RGS8: variants seen among roughly 807,000 people sequenced by gnomAD.
The protein encoded by RGS8 is regulator of G protein signaling 8.
Under a neutral mutation model 21.7 loss-of-function variants are expected in RGS8, and 8 were observed. That is an observed-to-expected ratio of 0.37 (90% CI 0.22 to 0.66). The LOEUF is 0.66. Ranked by LOEUF, RGS8 falls within the 30% of genes least tolerant of loss-of-function variation. RGS8 has a pLI of 0.59. For synonymous variants in RGS8, 80 were observed against 83.6 expected, an observed-to-expected ratio of 0.96 and a Z score of 0.24; for missense variants, 157 against 217.9, an observed-to-expected ratio of 0.72 and a Z score of 1.76.
chr1:182,747,043 C>CCTTTTTTTTTTTTTTTTTTTTTTTTTTT, the RGS8 span, among the ~76,000 whole-genome samples: 1 of 21,028 alleles, frequency 4.8e-5, no homozygotes, highest in Non-Finnish European at 9.4e-5. Context: ...CACTGCTGGT[C>CCTTTTTTTTTTTTTTTTTTTTTTTTTTT]TTTTTTTTTT....
downstream of RGS8, chr1:182,645,347 A>C (rs918793963): frequency 6.6e-6 from 1 of 152,214 alleles, no homozygotes; most frequent in Non-Finnish European, 1.5e-5. Flanking sequence ...CCAGCCTCTT[A>C]CATGCCCCTC....
the RGS8 span, among the ~76,000 whole-genome samples, chr1:182,739,697 C>T: frequency 6.6e-6 from 1 of 152,112 alleles, no homozygotes; most frequent in African/African-American, 2.4e-5. Context: ...TGTTTCCATT[C>T]CTCTTGGCCT....
At chr1:182,728,682 C>A in the RGS8 span, among the ~76,000 whole-genome samples, 2 of 152,086 alleles carry the variant, frequency 1.3e-5, no homozygotes, top group East Asian at 3.8e-4. Context: ...AACAGAAGAA[C>A]TAACAATAAT....
intron 5 of RGS8, among the ~76,000 whole-genome samples, chr1:182,650,489 G>T (rs1225975123): frequency 6.6e-6 from 1 of 152,180 alleles, no homozygotes; most frequent in African/African-American, 2.4e-5. Context: ...TAAGAGAAAG[G>T]TTTCCGGGTG....
chr1:182,664,103 A>T (rs541176089), intron 5 of RGS8, among the ~76,000 whole-genome samples: 1 of 152,314 alleles, frequency 6.6e-6, no homozygotes, highest in East Asian at 1.9e-4. Flanking sequence ...AATAAAATTA[A>T]ACCTCTTACA....
intron 5 of RGS8, among the ~76,000 whole-genome samples, chr1:182,657,118 T>C (rs1375808830): frequency 6.7e-6 from 1 of 149,580 alleles, no homozygotes; most frequent in Non-Finnish European, 1.5e-5. Context: ...CTTTCCTGCT[T>C]ATGTGACCAA....
the RGS8 span, among the ~76,000 whole-genome samples, chr1:182,750,856 T>C: frequency 6.6e-6 from 1 of 151,428 alleles, no homozygotes; most frequent in Admixed American, 6.6e-5. Context: ...GATGTAGGTA[T>C]ATAAATAAAC....
At chr1:182,729,408 A>G in the RGS8 span, among the ~76,000 whole-genome samples, 46 of 152,336 alleles carry the variant, frequency 3.0e-4, no homozygotes, top group African/African-American at 1.1e-3. Flanking sequence ...AAAAGTGGGA[A>G]ACTTCCATTT....
At chr1:182,677,292 A>C (rs1444993549), upstream of RGS8, among the ~76,000 whole-genome samples, 1 of 152,242 alleles carries the variant, frequency 6.6e-6, no homozygotes, top group Non-Finnish European at 1.5e-5. Context: ...TAAGGATTGA[A>C]TTAGATAATG....
intron 3 of RGS8, among the ~76,000 whole-genome samples, chr1:182,667,892 G>T (rs1663953040): frequency 6.6e-6 from 1 of 151,478 alleles, no homozygotes; most frequent in Non-Finnish European, 1.5e-5. Flanking sequence ...ATATTACCCA[G>T]GCTGGTCTCA....
At chr1:182,705,037 AT>A in the RGS8 span, among the ~76,000 whole-genome samples, 3 of 152,202 alleles carry the variant, frequency 2.0e-5, no homozygotes. Context: ...ACAACATATC[AT>A]TATGTATATT....
chr1:182,746,187 C>G, the RGS8 span, among the ~76,000 whole-genome samples: 2 of 152,168 alleles, frequency 1.3e-5, no homozygotes, highest in Non-Finnish European at 2.9e-5. Flanking sequence ...ACCCCAGGTA[C>G]CACCTTTCTG....
chr1:182,699,690 G>A, the RGS8 span, among the ~76,000 whole-genome samples: 2 of 152,166 alleles, frequency 1.3e-5, no homozygotes, highest in East Asian at 3.9e-4. Flanking sequence ...CAGAGCCCTG[G>A]GGATTGCAAC....
the RGS8 span, among the ~76,000 whole-genome samples, chr1:182,724,201 GATATATATATATATATATATAT>G: frequency 0.22 from 9,189 of 42,310 alleles, 805 homozygotes; most frequent in South Asian, 0.41. Flanking sequence ...GGCTAGACTG[GATATATATATATATATATATAT>G]ATATATATAT....
upstream of RGS8, among the ~76,000 whole-genome samples, chr1:182,685,998 G>A (rs2102461602): frequency 6.6e-6 from 1 of 152,238 alleles, no homozygotes; most frequent in East Asian, 1.9e-4. Flanking sequence ...CGGAGGAAGG[G>A]GGATTAAGTC....
At chr1:182,750,410 TTTTC>T in the RGS8 span, among the ~76,000 whole-genome samples, 2 of 152,216 alleles carry the variant, frequency 1.3e-5, no homozygotes, top group African/African-American at 4.8e-5. Flanking sequence ...TACAGATGAT[TTTTC>T]TTTCTTTATA....
chr1:182,662,938 G>C (rs1436602125), intron 5 of RGS8, among the ~76,000 whole-genome samples: 1 of 150,022 alleles, frequency 6.7e-6, no homozygotes, highest in Non-Finnish European at 1.5e-5. Context: ...AAGATGTCCT[G>C]TAGATTGAGA....
chr1:182,705,523 A>G, the RGS8 span, among the ~76,000 whole-genome samples: 1 of 152,174 alleles, frequency 6.6e-6, no homozygotes, highest in Non-Finnish European at 1.5e-5. Flanking sequence ...GCGTAAAAAG[A>G]ATCCCAAGAT....
intron 1 of RGS8, among the ~76,000 whole-genome samples, chr1:182,682,315 G>A (rs896402174): frequency 6.6e-6 from 1 of 152,176 alleles, no homozygotes; most frequent in African/African-American, 2.4e-5. Context: ...TGCTAAGTTG[G>A]AAGAACAGGC....
Sources: allele counts gnomAD v4.1 joint callset (sites outside exome capture counted in the v4.1 genomes callset), GRCh38; gene constraint gnomAD v4.1.1; transcripts MANE v1.5; gene names NCBI Gene and HGNC (gene_info 2026-07-23, HGNC 2026-07-21).